NUBP1: variants seen among roughly 807,000 people sequenced by gnomAD.
The protein encoded by NUBP1 is cytosolic Fe-S cluster assembly factor NUBP1.
Under a neutral mutation model 41.8 loss-of-function variants are expected in NUBP1, and 46 were observed. The ratio of observed to expected loss-of-function variants is 1.10; its 90% confidence interval spans 0.87 to 1.41. The LOEUF (loss-of-function observed/expected upper bound fraction) is 1.41. Ranked by LOEUF, NUBP1 falls within the 40% of genes most tolerant of loss-of-function variation. NUBP1 has a pLI of 0.00. For missense variants in NUBP1, 494 were observed against 414.0 expected, an observed-to-expected ratio of 1.19 and a Z score of -1.68; for synonymous variants, 189 against 154.6, an observed-to-expected ratio of 1.22 and a Z score of -1.65.
chr16:10,762,612 C>T (rs955745666), intron 9 of NUBP1, among the ~76,000 whole-genome samples: 10 of 152,276 alleles, frequency 6.6e-5, no homozygotes, highest in East Asian at 3.9e-4. Context: ...GTCCAGCACT[C>T]GCCTTTAGGT....
chr16:10,751,611 T>C (rs948514126), intron 3 of NUBP1, among the ~76,000 whole-genome samples: 1 of 152,204 alleles, frequency 6.6e-6, no homozygotes, highest in Non-Finnish European at 1.5e-5. Flanking sequence ...AGATGAATAC[T>C]AGCCCTGTTC....
intron 9 of NUBP1, among the ~76,000 whole-genome samples, chr16:10,762,802 G>A (rs939515512): frequency 3.3e-5 from 5 of 152,142 alleles, no homozygotes; most frequent in African/African-American, 1.2e-4. Flanking sequence ...AGGAGAGGGT[G>A]GGGGCCGCGT....
rs151228245 is a variant in NUBP1 at position 10,766,008 on chromosome 16, T to A, written c.821-1941T>A. On this transcript the variant is annotated intron_variant, in intron 9 of 10. Coordinates refer to ENST00000283027, the MANE Select transcript of NUBP1 (RefSeq NM_002484.4). This position sits in a 1 kb window ranked among gnomAD's most constrained non-coding sequence, Gnocchi z 4.8. ...AGTGACAGACACGCATCTGGCAAGG[T>A]CACTGGGGACAGAGTGGGGGAAAAC... 14 of 152,420 alleles carry A rather than the reference T, an allele frequency of 9.2e-5. No homozygotes were observed. The highest frequency in any genetic ancestry group is 3.4e-4 in the African/African-American group (14 of 41,556). 9.4% of individuals were successfully genotyped at this position (152,420 alleles called of 1,614,324 possible).
Position 10,761,328 on chromosome 16 carries a change from T to C in NUBP1, c.607-36T>C, listed in dbSNP as rs770830312. ...GCACAGACATTCCCTTTCTCGCACT[T>C]TGATGCTGGAATCACTGGTCTTTTC... On this transcript the variant is annotated intron_variant, in intron 7 of 10. Transcript: ENST00000283027. 3.8e-6 allele frequency: 6 copies of C among 1,594,782 alleles called. No individual in the cohort carries two copies. In the Admixed American group the frequency reaches 5.0e-5, roughly 13 times the overall value.
chr16:10,744,082 G>C lies in NUBP1; in HGVS notation c.124+17G>C, dbSNP rs535050571. ...CGGACACGGGTGAGAAAAGGGCAAGGCCTCAACAGGAACTTAGAGGCGCAG... is the reference window on the plus strand; with the variant it reads ...CGGACACGGGTGAGAAAAGGGCAAGCCCTCAACAGGAACTTAGAGGCGCAG... On this transcript the variant is annotated intron_variant, in intron 2 of 10. Transcript: ENST00000283027. 6.5e-6 allele frequency: 10 copies of C among 1,546,168 alleles called. No homozygotes were observed. The South Asian group carries it at 9.7e-5, about 15-fold the overall frequency.
chr16:10,754,019 A>G (rs1900442260), intron 4 of NUBP1, among the ~76,000 whole-genome samples: 1 of 152,160 alleles, frequency 6.6e-6, no homozygotes, highest in African/African-American at 2.4e-5. Flanking sequence ...TGGATTTGGT[A>G]GCACACGCCA....
rs767185290 is a variant in NUBP1, at chr16:10,756,807, C to G, written c.451+27C>G. The G allele has an allele frequency of 4.4e-6, 7 of 1,574,226 alleles. No homozygotes were observed. In the South Asian group the frequency reaches 5.8e-5, roughly 13 times the overall value. On this transcript the variant is annotated intron_variant, in intron 6 of 10. Coordinates refer to ENST00000283027, the MANE Select transcript of NUBP1 (RefSeq NM_002484.4). ...TTTGCCACTCTGCCTTTTTTTGTCT[C>G]TCACATTCTTCCACGAGCGTTGTGG... is the stretch of plus-strand genomic sequence containing the variant.
chr16:10,752,205 A>G (rs1011091938), intron 3 of NUBP1, among the ~76,000 whole-genome samples: 1 of 152,196 alleles, frequency 6.6e-6, no homozygotes, highest in Non-Finnish European at 1.5e-5. Flanking sequence ...GGTGAGCAAA[A>G]GAGAGCTGTT....
In NUBP1 at chr16:10,758,000, TG is replaced by T; in HGVS notation, c.581del (p.Gly194GlufsTer3). 1 of 1,614,088 alleles carries T rather than the reference TG, an allele frequency of 6.2e-7. No homozygotes were observed. The highest frequency in any genetic ancestry group is 8.5e-7 in the Non-Finnish European group (1 of 1,180,024). Reference sequence around the variant, plus strand: ...GGTACCTGGCCACAGCACACATCGATGGAGCAGTGATCATCACCACTCCCCA... The same window carrying T: ...GGTACCTGGCCACAGCACACATCGATGAGCAGTGATCATCACCACTCCCCA... ...VRYLATAHID[G>X]AVIITTPQEV... On this transcript the variant is annotated frameshift_variant, in exon 7 of 11. Coordinates refer to ENST00000283027, the MANE Select transcript of NUBP1 (RefSeq NM_002484.4). LOFTEE classifies it high-confidence loss of function. This position sits in a 1 kb window ranked among gnomAD's most constrained non-coding sequence, Gnocchi z 4.1.
Position 10,768,936 on chromosome 16 carries a change from C to A in NUBP1, c.905-111C>A. ...CACAGACACAGGTCTTTTTATGGAA[C>A]TAGCCAGAGGATTCCACCCCTGTCA... On this transcript the variant is annotated intron_variant, in intron 10 of 10. Transcript: ENST00000283027. This position sits in a 1 kb window ranked among gnomAD's most constrained non-coding sequence, Gnocchi z 4.3. The A allele has an allele frequency of 1.1e-6, 1 of 905,848 alleles. No individual in the cohort carries two copies. The highest frequency in any genetic ancestry group is 1.8e-6 in the Non-Finnish European group (1 of 563,758). The allele number at this position is 905,848 out of a possible 1,614,324, so 56.1% of individuals were successfully genotyped here. A position where few individuals can be genotyped will look rare whatever the true frequency, so the allele number is the denominator to read the frequency against.
At position 10,765,536 on chromosome 16, in the gene NUBP1, C is replaced by G. The variant is rs2142811993; in HGVS notation, c.821-2413C>G. Among the ~76,000 whole-genome samples, 1 of 152,158 alleles carries G rather than the reference C, an allele frequency of 6.6e-6. No individual in the cohort carries two copies. Among genetic ancestry groups the G allele is most frequent in the South Asian group, 2.1e-4 (1 of 4,818 alleles). On this transcript the variant is annotated intron_variant, in intron 9 of 10. Coordinates refer to ENST00000283027, the MANE Select transcript of NUBP1 (RefSeq NM_002484.4). The surrounding 1 kb of genome is among the most constrained non-coding windows in gnomAD (Gnocchi z 4.0). ...AAAAAATTTAAAAATGGCATGCTTG[C>G]TGACCCACCCAAATATGTCCACGGG...
At chr16:10,756,502 C>A (rs184595387) in intron 5 of NUBP1, among the ~76,000 whole-genome samples, 188 bp from the exon 6 acceptor site, 2 of 151,754 alleles carry the variant, frequency 1.3e-5, no homozygotes, top group East Asian at 3.9e-4. Flanking sequence ...AATCCCCCAA[C>A]ATGGTACCCT....
At chr16:10,745,557 G>A (rs1055648555) in intron 2 of NUBP1, among the ~76,000 whole-genome samples, 19 of 152,218 alleles carry the variant, frequency 1.2e-4, no homozygotes, top group Non-Finnish European at 8.8e-5. Flanking sequence ...GCTTGAGGGC[G>A]TGCCCTGGAA....
At position 10,749,126 on chromosome 16, in the gene NUBP1, T is replaced by G. The variant is rs7499177; in HGVS notation, c.258+1850T>G. ...GGATATAGATAGATACACAGACACA[T>G]ACACACACACACACACACACACACA... On this transcript the variant is annotated intron_variant, in intron 3 of 10. Coordinates refer to ENST00000283027, the MANE Select transcript of NUBP1 (RefSeq NM_002484.4). The surrounding 1 kb of genome is among the most constrained non-coding windows in gnomAD (Gnocchi z 4.1). 0.013 allele frequency among the ~76,000 whole-genome samples: 1,558 copies of G among 121,046 alleles called. 52 individuals are homozygous for G. The highest frequency in any genetic ancestry group is 0.043 in the African/African-American group (1,370 of 32,196). The allele number at this position is 121,046 out of a possible 152,430, so 79.4% of individuals were successfully genotyped here. A position where few individuals can be genotyped will look rare whatever the true frequency, so the allele number is the denominator to read the frequency against.
rs1418283921 is a variant in NUBP1, at chr16:10,744,072, A to G, written c.124+7A>G. The G allele has an allele frequency of 2.5e-6, 4 of 1,572,064 alleles. No homozygotes were observed. The highest frequency in any genetic ancestry group is 3.4e-6 in the Non-Finnish European group (4 of 1,164,718). ...GGGGCCACTCCGGACACGGGTGAGA[A>G]AAGGGCAAGGCCTCAACAGGAACTT... On this transcript the variant is annotated splice_region_variant and intron_variant, in intron 2 of 10. Transcript: ENST00000283027.
In NUBP1 at chr16:10,743,876, C is replaced by CCTG; in HGVS notation, c.15_16insGCT (p.Pro5_His6insAla). 1.3e-6 allele frequency: 2 copies of CCTG among 1,566,694 alleles called. No individual in the cohort carries two copies. Among genetic ancestry groups the CCTG allele is most frequent in the Non-Finnish European group, 1.7e-6 (2 of 1,157,000 alleles). On this transcript the variant is annotated inframe_insertion, in exon 1 of 11. Coordinates refer to ENST00000283027, the MANE Select transcript of NUBP1 (RefSeq NM_002484.4). ...CAAAGGCGACGGAATGGAGGAGGTG[C>CCTG]CTCACGGTAAGCTCGCGGAGGGGGC... is the stretch of plus-strand genomic sequence containing the variant.
intron 4 of NUBP1, among the ~76,000 whole-genome samples, chr16:10,753,773 A>G (rs1482641281): frequency 6.6e-6 from 1 of 151,984 alleles, no homozygotes; most frequent in Non-Finnish European, 1.5e-5. Context: ...GCATTTGAGC[A>G]GAGGATGACA....
rs1409525302 is a variant in NUBP1 at position 10,765,399 on chromosome 16, C to G, written c.821-2550C>G. ...GCATGTGCCTGTGGTCCCAGCTACT[C>G]AGGAGGCTGAGTTAGCAGGATCACT... On this transcript the variant is annotated intron_variant, in intron 9 of 10. Coordinates refer to ENST00000283027, the MANE Select transcript of NUBP1 (RefSeq NM_002484.4). The surrounding 1 kb of genome is among the most constrained non-coding windows in gnomAD (Gnocchi z 4.0). Among the ~76,000 whole-genome samples, 1 of 150,968 alleles carries G rather than the reference C, an allele frequency of 6.6e-6. No homozygotes were observed. Among genetic ancestry groups the G allele is most frequent in the Admixed American group, 6.6e-5 (1 of 15,126 alleles).
intron 9 of NUBP1, among the ~76,000 whole-genome samples, chr16:10,764,346 G>A (rs1002162283): frequency 4.6e-5 from 7 of 152,066 alleles, no homozygotes; most frequent in African/African-American, 1.4e-4. Flanking sequence ...GCAGTCTATT[G>A]GAGCATCTCA....
Sources: allele counts gnomAD v4.1 joint callset (sites outside exome capture counted in the v4.1 genomes callset), GRCh38; gene constraint gnomAD v4.1.1; non-coding constraint Gnocchi (gnomAD v3.1); transcripts MANE v1.5; gene names NCBI Gene and HGNC (gene_info 2026-07-23, HGNC 2026-07-21).